The following PRKCQ variants were observed in gnomAD, a reference collection of about 807,000 sequenced individuals.
The protein encoded by PRKCQ is protein kinase C theta type.
A neutral mutation model predicts 91.2 loss-of-function variants in PRKCQ; 41 were observed. The ratio of observed to expected loss-of-function variants is 0.45; its 90% confidence interval spans 0.35 to 0.58. PRKCQ has a LOEUF of 0.58. Ranked by LOEUF, PRKCQ falls within the 20% of genes least tolerant of loss-of-function variation. The pLI, the probability that PRKCQ is intolerant of heterozygous loss-of-function variation, is 0.00. For missense variants in PRKCQ, 673 were observed against 896.5 expected, an observed-to-expected ratio of 0.75 and a Z score of 3.18; for synonymous variants, 307 against 316.9, an observed-to-expected ratio of 0.97 and a Z score of 0.33.
At chr10:6,455,597 A>C (rs1834961160) in intron 15 of PRKCQ, among the ~76,000 whole-genome samples, 1 of 152,184 alleles carries the variant, frequency 6.6e-6, no homozygotes, top group African/African-American at 2.4e-5. Flanking sequence ...TAGTTCATCC[A>C]TTTACTCTTC....
chr10:6,562,092 C>T (rs1840654367), intron 1 of PRKCQ, among the ~76,000 whole-genome samples: 3 of 152,154 alleles, frequency 2.0e-5, no homozygotes, highest in Admixed American at 6.5e-5. Flanking sequence ...GACCTGGCAT[C>T]TGGAGATACC....
the PRKCQ span, among the ~76,000 whole-genome samples, chr10:6,411,583 G>C: frequency 1.3e-5 from 2 of 152,188 alleles, no homozygotes; most frequent in African/African-American, 4.8e-5. Flanking sequence ...CCTTTAGACC[G>C]AACCCTGTTC....
intron 2 of PRKCQ, among the ~76,000 whole-genome samples, chr10:6,511,985 T>C (rs375541504): frequency 5.3e-5 from 8 of 151,992 alleles, no homozygotes; most frequent in African/African-American, 1.9e-4. Context: ...AAAAAATCTT[T>C]TATGCCTTTG....
intron 12 of PRKCQ, among the ~76,000 whole-genome samples, chr10:6,470,667 G>A (rs1835910162): frequency 6.6e-6 from 1 of 152,212 alleles, no homozygotes; most frequent in African/African-American, 2.4e-5. Flanking sequence ...GATCAAGGCA[G>A]AGGCCAAGCG....
chr10:6,576,612 G>C lies in PRKCQ; in HGVS notation c.-10+3599C>G, dbSNP rs368656624. 4.6e-5 allele frequency among the ~76,000 whole-genome samples: 7 copies of C among 152,360 alleles called. No homozygotes were observed. In the East Asian group the frequency reaches 9.6e-4, roughly 21 times the overall value. ...AGTTTTAGGAGATGAGAAGAATCCT[G>C]TGGATGGATGATGGCAATGGTTGCA... is the stretch of plus-strand genomic sequence containing the variant. On this transcript the variant is annotated intron_variant, in intron 1 of 17. Transcript: ENST00000263125. The surrounding 1 kb of genome is among the most constrained non-coding windows in gnomAD (Gnocchi z 4.2).
chr10:6,421,220 C>T, the PRKCQ span, among the ~76,000 whole-genome samples: 2 of 152,178 alleles, frequency 1.3e-5, no homozygotes, highest in African/African-American at 4.8e-5. This position sits in a 1 kb window ranked among gnomAD's most constrained non-coding sequence, Gnocchi z 4.1. Flanking sequence ...CATGGTAGCT[C>T]ATGCCTGTAA....
the PRKCQ span, among the ~76,000 whole-genome samples, chr10:6,414,425 C>T: frequency 2.6e-5 from 4 of 152,044 alleles, no homozygotes; most frequent in African/African-American, 9.7e-5. Flanking sequence ...ACATTAATAA[C>T]GAATTACCGG....
rs1750354414 is a variant in PRKCQ at position 6,497,361 on chromosome 10, T to G, written c.543-110A>C. The G allele has an allele frequency of 7.9e-7, 1 of 1,261,936 alleles. No individual in the cohort carries two copies. Among genetic ancestry groups the G allele is most frequent in the African/African-American group, 1.5e-5 (1 of 67,484 alleles). 78.2% of individuals were successfully genotyped at this position (1,261,936 alleles called of 1,614,324 possible). A position where few individuals can be genotyped will look rare whatever the true frequency, so the allele number is the denominator to read the frequency against. ...AACCCCCTAAGATCACAGAGCAGTTTCTGATCAGCAGCCCTGTTGTATCAT... is the reference window on the plus strand; with the variant it reads ...AACCCCCTAAGATCACAGAGCAGTTGCTGATCAGCAGCCCTGTTGTATCAT... On this transcript the variant is annotated intron_variant, in intron 5 of 17. Transcript: ENST00000263125. The surrounding 1 kb of genome is among the most constrained non-coding windows in gnomAD (Gnocchi z 4.5).
intron 1 of PRKCQ, among the ~76,000 whole-genome samples, chr10:6,530,554 G>A (rs1839356722): frequency 6.6e-6 from 1 of 152,234 alleles, no homozygotes; most frequent in Non-Finnish European, 1.5e-5. Context: ...CACAGGGGGG[G>A]TTGTTGCAAA....
intron 8 of PRKCQ, among the ~76,000 whole-genome samples, chr10:6,486,403 G>GA (rs1287024195): frequency 1.3e-5 from 2 of 152,184 alleles, no homozygotes; most frequent in Admixed American, 6.5e-5. Context: ...GGACAGGGCA[G>GA]AAGCAGCTTT....
intron 16 of PRKCQ, among the ~76,000 whole-genome samples, chr10:6,435,451 T>G (rs778620956): frequency 2.6e-5 from 4 of 152,232 alleles, no homozygotes; most frequent in Middle Eastern, 3.2e-3. Flanking sequence ...GGAATAGAGA[T>G]AAAGCTGCAA....
chr10:6,484,157 T>C (rs1836772480), intron 10 of PRKCQ, among the ~76,000 whole-genome samples: 1 of 152,216 alleles, frequency 6.6e-6, no homozygotes, highest in Non-Finnish European at 1.5e-5. Context: ...CTCACACATG[T>C]AATCTGACAA....
At chr10:6,405,098 C>T in the PRKCQ span, among the ~76,000 whole-genome samples, 1 of 151,946 alleles carries the variant, frequency 6.6e-6, no homozygotes, top group African/African-American at 2.4e-5. Context: ...CTTCCAACCT[C>T]AGCCTCCCAG....
intron 15 of PRKCQ, among the ~76,000 whole-genome samples, chr10:6,448,415 ATT>A (rs33922767): frequency 2.0e-5 from 3 of 148,418 alleles, no homozygotes; most frequent in Non-Finnish European, 3.0e-5. Context: ...GTAGCACTTA[ATT>A]TTTTTTTTTT....
At chr10:6,428,962 A>T (rs1393331089) in intron 17 of PRKCQ, among the ~76,000 whole-genome samples, 2 of 152,246 alleles carry the variant, frequency 1.3e-5, no homozygotes, top group Non-Finnish European at 2.9e-5. Flanking sequence ...AAAAACCAAA[A>T]CCAAACCAAA....
intron 1 of PRKCQ, among the ~76,000 whole-genome samples, chr10:6,558,044 T>C (rs2130948909): frequency 6.6e-6 from 1 of 152,070 alleles, no homozygotes; most frequent in East Asian, 1.9e-4. Flanking sequence ...CCTTGCTCTT[T>C]CACGCTGCCT....
At chr10:6,508,748 A>G (rs1838322702) in intron 3 of PRKCQ, among the ~76,000 whole-genome samples, 2 of 152,228 alleles carry the variant, frequency 1.3e-5, no homozygotes, top group Admixed American at 1.3e-4. Flanking sequence ...AGGTGACCAC[A>G]AGGTTGGCAG....
At chr10:6,394,644 G>C in the PRKCQ span, among the ~76,000 whole-genome samples, 1 of 146,148 alleles carries the variant, frequency 6.8e-6, no homozygotes, top group Non-Finnish European at 1.5e-5. Flanking sequence ...CAGACGTGCA[G>C]TCCACGGTGG....
intron 1 of PRKCQ, among the ~76,000 whole-genome samples, chr10:6,574,294 C>A (rs1264071373): frequency 2.0e-5 from 3 of 152,174 alleles, no homozygotes; most frequent in African/African-American, 4.8e-5. Context: ...CTGGAGAGAA[C>A]CTGAATGGCA....
Sources: gnomAD v4.1 joint callset for allele counts (sites outside exome capture counted in the v4.1 genomes callset) on GRCh38, gnomAD v4.1.1 for gene constraint, Gnocchi (gnomAD v3.1) non-coding constraint, MANE v1.5 for transcripts, NCBI Gene and HGNC (gene_info 2026-07-23, HGNC 2026-07-21) for gene names.